PNO1: variants seen among roughly 807,000 people sequenced by gnomAD.
The protein encoded by PNO1 is RNA-binding protein PNO1.
Under a neutral mutation model 28.4 loss-of-function variants are expected in PNO1, and 16 were observed. That is an observed-to-expected ratio of 0.56 (90% CI 0.38 to 0.85). PNO1 has a LOEUF of 0.85. Ranked by LOEUF, PNO1 falls within the 40% of genes least tolerant of loss-of-function variation. PNO1 has a pLI of 0.00. For missense variants in PNO1, 304 were observed against 312.2 expected (o/e 0.97, Z 0.20); for synonymous variants, 115 against 110.8 (o/e 1.04, Z -0.24).
At position 68,173,365 on chromosome 2, in the gene PNO1, C is replaced by T; in HGVS notation, c.639C>T (p.Gly213=). The change falls in exon 6 of 7, where the codon GGC becomes GGT. Residue 213 remains glycine, a synonymous_variant. Transcript: ENST00000263657. ...VLADVKVHIL[G]SFQNIKMART... Reference sequence around the variant, plus strand: ...CTTTCAGGAAAGTTCACATCCTTGGCTCCTTCCAAAATATCAAGATGGCAA... The same window carrying T: ...CTTTCAGGAAAGTTCACATCCTTGGTTCCTTCCAAAATATCAAGATGGCAA... The T allele has an allele frequency of 6.2e-7, 1 of 1,604,048 alleles. No homozygotes were observed. Among genetic ancestry groups the T allele is most frequent in the East Asian group, 2.2e-5 (1 of 44,832 alleles).
rs747021418 is a variant in PNO1, at chr2:68,173,333, T to G, written c.621-14T>G. On this transcript the variant is annotated splice_polypyrimidine_tract_variant and intron_variant, in intron 5 of 6. Coordinates refer to ENST00000263657, the MANE Select transcript of PNO1 (RefSeq NM_020143.4). ...CATCCCAGCCACTAATTTGTCTCATTTTATTTCTTTCAGGAAAGTTCACAT... is the reference window on the plus strand; with the variant it reads ...CATCCCAGCCACTAATTTGTCTCATGTTATTTCTTTCAGGAAAGTTCACAT... 1 of 1,562,528 alleles carries G rather than the reference T, an allele frequency of 6.4e-7. No individual in the cohort carries two copies. Among genetic ancestry groups the G allele is most frequent in the Non-Finnish European group, 8.8e-7 (1 of 1,133,570 alleles).
At position 68,158,108 on chromosome 2, in the gene PNO1, C is replaced by G. The variant is rs61735657; in HGVS notation, c.174C>G (p.Pro58=). ...AGGAGGCCAGGCCGGCGAAGAGGCC[C>G]GTCTTCCCACCCCTCTGTGGGGACG... ...DTEEARPAKR[P]VFPPLCGDGL... Residue 58 remains proline (P), a synonymous_variant, in exon 1 of 7, where the codon CCC becomes CCG. Transcript: ENST00000263657. The G allele has an allele frequency of 5.6e-3, 9,021 of 1,609,126 alleles. 240 individuals are homozygous for G. In the African/African-American group the frequency reaches 0.077, roughly 14 times the overall value.
chr2:68,158,305 G>A (rs1673725894), intron 1 of PNO1, 75 bp from the exon 2 acceptor site: 2 of 1,459,870 alleles, frequency 1.4e-6, no homozygotes, highest in Admixed American at 4.2e-5. Flanking sequence ...GAGGCCCTTT[G>A]TGGATCAGAT....
rs1572944667 is a variant in PNO1 at position 68,175,003 on chromosome 2, A to G, written c.*201A>G. 6 of 433,176 alleles carry G rather than the reference A, an allele frequency of 1.4e-5. No individual in the cohort carries two copies. The highest frequency in any genetic ancestry group is 3.6e-5 in the African/African-American group (1 of 27,542). 26.8% of individuals were successfully genotyped at this position (433,176 alleles called of 1,614,324 possible). A position where few individuals can be genotyped will look rare whatever the true frequency, so the allele number is the denominator to read the frequency against. ...AGGTTTTAGGATAATTTAAATATCA[A>G]AAATTGATTGTTATACTTAACACAT... On this transcript the variant is annotated 3_prime_UTR_variant, in exon 7 of 7. Transcript: ENST00000263657.
chr2:68,162,164 C>A, intron 3 of PNO1, 101 bp from the exon 4 acceptor site: 1 of 873,552 alleles, frequency 1.1e-6, no homozygotes, highest in Non-Finnish European at 1.8e-6. Context: ...AGCTTTCTAG[C>A]TCTAGAGTTT....
chr2:68,174,598 T>G, intron 6 of PNO1, 137 bp from the exon 7 acceptor site: 1 of 559,916 alleles, frequency 1.8e-6, no homozygotes, highest in East Asian at 2.8e-5. Flanking sequence ...ATATTTTTTA[T>G]GTAAGAGACT....
intron 5 of PNO1, among the ~76,000 whole-genome samples, chr2:68,165,153 A>G (rs1238056016): frequency 6.6e-6 from 1 of 151,308 alleles, no homozygotes; most frequent in Non-Finnish European, 1.5e-5. Flanking sequence ...TCACGAGGTC[A>G]GGAGATCGAG....
At chr2:68,162,930 G>C (rs1409110738) in intron 5 of PNO1, among the ~76,000 whole-genome samples, 2 of 152,128 alleles carry the variant, frequency 1.3e-5, no homozygotes, top group East Asian at 3.9e-4. Context: ...AAAGTCATCC[G>C]ACACAAATTC....
In PNO1 at chr2:68,158,470, G is replaced by T; in HGVS notation, c.298G>T (p.Val100Leu). Residue 100 changes from valine to leucine, a missense_variant, in exon 2 of 7, where the codon GTG (valine) becomes TTG (leucine). By Grantham distance (32) the Val-to-Leu change is conservative. Coordinates refer to ENST00000263657, the MANE Select transcript of PNO1 (RefSeq NM_020143.4). ...CTGGATGAAGATATTTACTCCTATT[G>T]TGGAACATTTGGGACTTCAGATACG... ...ENWMKIFTPI[V>L]EHLGLQIRFN... The T allele has an allele frequency of 6.2e-7, 1 of 1,613,638 alleles. No homozygotes were observed. Among genetic ancestry groups the T allele is most frequent in the Admixed American group, 1.7e-5 (1 of 60,010 alleles).
At position 68,157,892 on chromosome 2, in the gene PNO1, C is replaced by A; in HGVS notation, c.-43C>A. 1 of 1,569,646 alleles carries A rather than the reference C, an allele frequency of 6.4e-7. No individual in the cohort carries two copies. Among genetic ancestry groups the A allele is most frequent in the South Asian group, 1.1e-5 (1 of 90,004 alleles). Reference sequence around the variant, plus strand: ...TGAGGCTGGCTTCTGCGTGGTGCAGCTGCGCACGTGTTTCAGCCGGCAGCG... The same window carrying A: ...TGAGGCTGGCTTCTGCGTGGTGCAGATGCGCACGTGTTTCAGCCGGCAGCG... On this transcript the variant is annotated 5_prime_UTR_variant, in exon 1 of 7. It adds an upstream start codon to the 5' untranslated region. Coordinates refer to ENST00000263657, the MANE Select transcript of PNO1 (RefSeq NM_020143.4).
At chr2:68,170,322 CTA>C (rs998021849) in intron 5 of PNO1, among the ~76,000 whole-genome samples, 14 of 152,332 alleles carry the variant, frequency 9.2e-5, no homozygotes, top group Middle Eastern at 3.4e-3. Flanking sequence ...TCCTTTCCAA[CTA>C]TTGCCCCATT....
intron 5 of PNO1, among the ~76,000 whole-genome samples, chr2:68,169,218 T>C: frequency 6.6e-6 from 1 of 152,076 alleles, no homozygotes; most frequent in Non-Finnish European, 1.5e-5. Context: ...TGTGAGCCAC[T>C]GCGCCTGGCC....
chr2:68,161,663 C>T lies in PNO1; in HGVS notation c.358-20C>T, dbSNP rs766753648. On this transcript the variant is annotated intron_variant, in intron 2 of 6. Transcript: ENST00000263657. ...TTTGATTCTCAACGGTATTTTGTACCCTTTTTTGTTTTTTAACAGACTTGT... is the reference window on the plus strand; with the variant it reads ...TTTGATTCTCAACGGTATTTTGTACTCTTTTTTGTTTTTTAACAGACTTGT... The T allele has an allele frequency of 2.8e-6, 4 of 1,449,814 alleles. No homozygotes were observed. The highest frequency in any genetic ancestry group is 3.9e-6 in the Non-Finnish European group (4 of 1,032,750). 89.8% of individuals were successfully genotyped at this position (1,449,814 alleles called of 1,614,324 possible). A position where few individuals can be genotyped will look rare whatever the true frequency, so the allele number is the denominator to read the frequency against.
intron 2 of PNO1, among the ~76,000 whole-genome samples, chr2:68,158,825 A>G (rs1010707187): frequency 2.0e-5 from 3 of 152,246 alleles, no homozygotes; most frequent in Non-Finnish European, 4.4e-5. Context: ...AGAGATTGCC[A>G]TAAACAGAAG....
chr2:68,159,312 G>A (rs1318474783), intron 2 of PNO1, among the ~76,000 whole-genome samples: 1 of 151,932 alleles, frequency 6.6e-6, no homozygotes. Flanking sequence ...CTTTCACCCA[G>A]GCTGGAGTGA....
At chr2:68,174,589 TA>T (rs200941894) in intron 6 of PNO1, 145 bp from the exon 7 acceptor site, 7,330 of 549,532 alleles carry the variant, frequency 0.013, 108 homozygotes, top group Middle Eastern at 0.019. Context: ...TTAATGTGCA[TA>T]TTTTTTATGT....
Sources: gnomAD v4.1 joint callset for allele counts (sites outside exome capture counted in the v4.1 genomes callset) on GRCh38, gnomAD v4.1.1 for gene constraint, MANE v1.5 for transcripts, NCBI Gene and HGNC (gene_info 2026-07-23, HGNC 2026-07-21) for gene names.